Variants in MOCS2 observed in about 807,000 individuals in gnomAD.
The protein encoded by MOCS2 is molybdenum cofactor synthesis 2.
A neutral mutation model predicts 21.9 loss-of-function variants in MOCS2; 13 were observed. The observed-to-expected ratio is 0.59, with a 90% CI of 0.39 to 0.94. The LOEUF is 0.94. Among genes scored for constraint, MOCS2 ranks in the 40% least tolerant of loss-of-function variants. The probability of loss-of-function intolerance (pLI) is 0.00; values close to 1 mark genes in which losing one functional copy is unlikely to be tolerated. For missense variants in MOCS2, 227 were observed against 218.3 expected (o/e 1.04, Z -0.25); for synonymous variants, 92 against 80.8 (o/e 1.14, Z -0.74).
Position 53,109,292 on chromosome 5 carries a change from G to C in MOCS2, c.-211C>G. On this transcript the variant is annotated 5_prime_UTR_variant, in exon 1 of 7. Coordinates refer to ENST00000396954, the MANE Select transcript of MOCS2 (RefSeq NM_004531.5). ...ACAACTCTTTACGAAATAATTACAG[G>C]TTTGCAAATGATCAAGGGTGTAGAA... 4 of 1,016,996 alleles carry C rather than the reference G, an allele frequency of 3.9e-6. No individual in the cohort carries two copies. Among genetic ancestry groups the C allele is most frequent in the Non-Finnish European group, 4.7e-6 (4 of 851,300 alleles). The allele number at this position is 1,016,996 out of a possible 1,614,324, so 63.0% of individuals were successfully genotyped here.
chr5:53,099,442 C>A (rs576526992), intron 6 of MOCS2, among the ~76,000 whole-genome samples: 3 of 152,336 alleles, frequency 2.0e-5, no homozygotes, highest in South Asian at 4.1e-4. Flanking sequence ...ACCTCTCGCT[C>A]TCTGGGGGCC....
chr5:53,109,626 G>C lies in MOCS2; in HGVS notation c.-545C>G. On this transcript the variant is annotated 5_prime_UTR_variant, in exon 1 of 7. Transcript: ENST00000396954. ...CTAGTGGGGAGGTCCGACTGACCAA[G>C]GCTGGGTATGTGGAGGGAAAGGGCG... The C allele has an allele frequency of 6.5e-7, 1 of 1,539,364 alleles. No homozygotes were observed. The highest frequency in any genetic ancestry group is 8.8e-7 in the Non-Finnish European group (1 of 1,140,970).
chr5:53,100,620 C>G, intron 5 of MOCS2, 86 bp from the exon 6 acceptor site: 2 of 1,399,756 alleles, frequency 1.4e-6, no homozygotes, highest in Non-Finnish European at 2.0e-6. Context: ...AAAAAAAATC[C>G]AGGTATGCAG....
At chr5:53,105,621 C>T (rs1484724571) in intron 3 of MOCS2, among the ~76,000 whole-genome samples, 1 of 151,936 alleles carries the variant, frequency 6.6e-6, no homozygotes, top group Non-Finnish European at 1.5e-5. Flanking sequence ...CTAGAAAAAC[C>T]CTGGAAGACA....
chr5:53,109,553 G>A lies in MOCS2; in HGVS notation c.-472C>T. ...GCCCGGAGACAGGAAGGGCCCGGGGGCGGGGGCGGGGGCGCCCCCGAACCC... is the reference window on the plus strand; with the variant it reads ...GCCCGGAGACAGGAAGGGCCCGGGGACGGGGGCGGGGGCGCCCCCGAACCC... On this transcript the variant is annotated 5_prime_UTR_variant, in exon 1 of 7. Coordinates refer to ENST00000396954, the MANE Select transcript of MOCS2 (RefSeq NM_004531.5). The A allele has an allele frequency of 7.2e-7, 1 of 1,396,394 alleles. No individual in the cohort carries two copies. The highest frequency in any genetic ancestry group is 9.3e-7 in the Non-Finnish European group (1 of 1,074,026). The allele number at this position is 1,396,394 out of a possible 1,614,324, so 86.5% of individuals were successfully genotyped here. A position where few individuals can be genotyped will look rare whatever the true frequency, so the allele number is the denominator to read the frequency against.
intron 3 of MOCS2, among the ~76,000 whole-genome samples, chr5:53,106,174 C>T (rs28890193): frequency 0.14 from 21,648 of 152,120 alleles, 1,639 homozygotes; most frequent in Middle Eastern, 0.2. Context: ...TGAAATACCA[C>T]TCAACCCAGC....
Position 53,108,619 on chromosome 5 carries a change from T to C in MOCS2, c.-145A>G. 2 of 1,613,668 alleles carry C rather than the reference T, an allele frequency of 1.2e-6. No individual in the cohort carries two copies. The highest frequency in any genetic ancestry group is 1.7e-6 in the Non-Finnish European group (2 of 1,179,736). On this transcript the variant is annotated 5_prime_UTR_variant, in exon 2 of 7. Coordinates refer to ENST00000396954, the MANE Select transcript of MOCS2 (RefSeq NM_004531.5). ...GAACGAACTCCTGTTATTTCAGCAC[T>C]TTTTGCAAAATACAATACTTCAACC...
At position 53,098,350 on chromosome 5, in the gene MOCS2, C is replaced by T. The variant is rs1740808391; in HGVS notation, c.*252G>A. On this transcript the variant is annotated 3_prime_UTR_variant, in exon 7 of 7. Transcript: ENST00000396954. ...ATTAGTCATGGAAGGACATGTCTAC[C>T]ACAGATATCTTTCCTCACATTTAAA... The T allele has an allele frequency of 5.7e-6, 3 of 522,690 alleles. No homozygotes were observed. Among genetic ancestry groups the T allele is most frequent in the African/African-American group, 3.8e-5 (2 of 52,204 alleles). 32.4% of individuals were successfully genotyped at this position (522,690 alleles called of 1,614,324 possible).
chr5:53,105,201 T>A (rs950847078), intron 3 of MOCS2, among the ~76,000 whole-genome samples: 1 of 152,098 alleles, frequency 6.6e-6, no homozygotes, highest in African/African-American at 2.4e-5. Flanking sequence ...TATTAGTAAG[T>A]GTGGTTGGAA....
chr5:53,103,693 A>C (rs1244096028), intron 3 of MOCS2, among the ~76,000 whole-genome samples: 2 of 152,158 alleles, frequency 1.3e-5, no homozygotes, highest in African/African-American at 4.8e-5. Flanking sequence ...CAAATAGGAG[A>C]AACAAAGCAT....
Position 53,098,541 on chromosome 5 carries a change from A to C in MOCS2, c.*61T>G. On this transcript the variant is annotated 3_prime_UTR_variant, in exon 7 of 7. Transcript: ENST00000396954. Reference sequence around the variant, plus strand: ...CCTGATGTGGAGAGAAAAAAATCAAAATGTGATCAATAATAATAGTTTAAC... The same window carrying C: ...CCTGATGTGGAGAGAAAAAAATCAACATGTGATCAATAATAATAGTTTAAC... The C allele has an allele frequency of 6.9e-7, 1 of 1,457,520 alleles. No homozygotes were observed. Among genetic ancestry groups the C allele is most frequent in the Non-Finnish European group, 9.6e-7 (1 of 1,037,806 alleles). 90.3% of individuals were successfully genotyped at this position (1,457,520 alleles called of 1,614,324 possible).
chr5:53,109,652 GGA>G lies in MOCS2; in HGVS notation c.-573_-572del, dbSNP rs1281013121. ...GCTGGGTATGTGGAGGGAAAGGGCG[GGA>G]GAGACACGTCGAGGAGGGCTCCGCA... On this transcript the variant is annotated 5_prime_UTR_variant, in exon 1 of 7. An upstream open reading frame in the 5' UTR loses its in-frame stop. Coordinates refer to ENST00000396954, the MANE Select transcript of MOCS2 (RefSeq NM_004531.5). The G allele has an allele frequency of 3.2e-6, 5 of 1,548,352 alleles. No individual in the cohort carries two copies. In the East Asian group the frequency reaches 9.8e-5, roughly 30 times the overall value.
At position 53,109,327 on chromosome 5, in the gene MOCS2, T is replaced by G. The variant is rs1202955941; in HGVS notation, c.-246A>C. 3 of 1,065,292 alleles carry G rather than the reference T, an allele frequency of 2.8e-6. No individual in the cohort carries two copies. In the African/African-American group the frequency reaches 5.0e-5, roughly 18 times the overall value. The allele number at this position is 1,065,292 out of a possible 1,614,324, so 66.0% of individuals were successfully genotyped here. ...GATCAAGGGTGTAGAAATCCACAGA[T>G]GAAGCACAGTTCTTCACAAGAATTC... On this transcript the variant is annotated 5_prime_UTR_variant, in exon 1 of 7. Transcript: ENST00000396954.
chr5:53,109,700 C>T lies in MOCS2; in HGVS notation c.-619G>A, dbSNP rs757915083. 12 of 1,553,306 alleles carry T rather than the reference C, an allele frequency of 7.7e-6. No individual in the cohort carries two copies. Among genetic ancestry groups the T allele is most frequent in the African/African-American group, 1.4e-5 (1 of 73,168 alleles). On this transcript the variant is annotated 5_prime_UTR_variant, in exon 1 of 7. Coordinates refer to ENST00000396954, the MANE Select transcript of MOCS2 (RefSeq NM_004531.5). ...CCGCACCCAGGCCCGCACGCACACC[C>T]GCCACCCTTACCTGGCACAGCGGCA...
intron 5 of MOCS2, chr5:53,100,989 C>T (rs908656767): frequency 3.0e-6 from 1 of 332,280 alleles, no homozygotes; most frequent in African/African-American, 2.1e-5. Context: ...TAGATACAGT[C>T]TCAATTACTG....
In MOCS2 at chr5:53,098,061, CTT is replaced by C. The variant is rs1740794584; in HGVS notation, c.*539_*540del. 1 of 152,210 alleles carries C rather than the reference CTT, an allele frequency of 6.6e-6. No homozygotes were observed. The highest frequency in any genetic ancestry group is 2.4e-5 in the African/African-American group (1 of 41,378). 9.4% of individuals were successfully genotyped at this position (152,210 alleles called of 1,614,324 possible). On this transcript the variant is annotated 3_prime_UTR_variant, in exon 7 of 7. Transcript: ENST00000396954. The stretch of plus-strand genomic sequence containing the variant: ...GCAATTTAAAAAAAAAGAAAATACT[CTT>C]TTTAAACTTTTGAAATCATGGGTTT...
chr5:53,098,527 G>A lies in MOCS2; in HGVS notation c.*75C>T, dbSNP rs1740814972. The A allele has an allele frequency of 2.3e-6, 3 of 1,318,810 alleles. No homozygotes were observed. The highest frequency in any genetic ancestry group is 3.3e-6 in the Non-Finnish European group (3 of 912,214). The allele number at this position is 1,318,810 out of a possible 1,614,324, so 81.7% of individuals were successfully genotyped here. A position where few individuals can be genotyped will look rare whatever the true frequency, so the allele number is the denominator to read the frequency against. ...CTTCAGTAAACTATCCTGATGTGGA[G>A]AGAAAAAAATCAAAATGTGATCAAT... On this transcript the variant is annotated 3_prime_UTR_variant, in exon 7 of 7. Transcript: ENST00000396954.
chr5:53,096,904 T>C lies in MOCS2; in HGVS notation c.*1698A>G, dbSNP rs753926620. The C allele has an allele frequency of 5.3e-5, 8 of 152,332 alleles. No homozygotes were observed. The highest frequency in any genetic ancestry group is 2.1e-4 in the South Asian group (1 of 4,828). The allele number at this position is 152,332 out of a possible 1,614,324, so 9.4% of individuals were successfully genotyped here. A position where few individuals can be genotyped will look rare whatever the true frequency, so the allele number is the denominator to read the frequency against. ...AAGTAGGAAAGTCTTGAAATCCACA[T>C]ATACCTATCAACATTGCATATGACA... On this transcript the variant is annotated 3_prime_UTR_variant, in exon 7 of 7. Transcript: ENST00000396954.
At chr5:53,104,168 C>G (rs1380068516) in intron 3 of MOCS2, among the ~76,000 whole-genome samples, 1 of 152,312 alleles carries the variant, frequency 6.6e-6, no homozygotes, top group African/African-American at 2.4e-5. Context: ...GGAAACAGCA[C>G]AATTCTTTAT....
Sources: allele counts gnomAD v4.1 joint callset (sites outside exome capture counted in the v4.1 genomes callset), GRCh38; gene constraint gnomAD v4.1.1; transcripts MANE v1.5; gene names NCBI Gene and HGNC (gene_info 2026-07-23, HGNC 2026-07-21).